The following IL1RAPL2 variants were observed in gnomAD, a reference collection of about 807,000 sequenced individuals.
IL1RAPL2 encodes the protein X-linked interleukin-1 receptor accessory protein-like 2.
IL1RAPL2 carries 3 observed loss-of-function variants against 44.1 expected under a neutral mutation model. That is an observed-to-expected ratio of 0.07 (90% confidence interval 0.03 to 0.18). IL1RAPL2 has a LOEUF of 0.18. IL1RAPL2 is among the 10% of genes least tolerant of loss of function. The pLI, the probability that IL1RAPL2 is intolerant of heterozygous loss-of-function variation, is 1.00. For synonymous variants in IL1RAPL2, 181 were observed against 178.8 expected (o/e 1.01, Z -0.10); for missense variants, 391 against 496.4 (o/e 0.79, Z 2.02).
At chrX:104,871,533 A>G (rs998242874) in intron 2 of IL1RAPL2, among the ~76,000 whole-genome samples, 2 of 111,463 alleles carry the variant, frequency 1.8e-5, no homozygotes, top group Non-Finnish European at 3.8e-5. Flanking sequence ...TGGGTTCTGA[A>G]TTACCTTTCC....
chrX:105,274,315 G>A (rs762107257), intron 5 of IL1RAPL2, among the ~76,000 whole-genome samples: 4 of 111,972 alleles, frequency 3.6e-5, no homozygotes, highest in African/African-American at 6.5e-5. Flanking sequence ...GGAAAAGTGA[G>A]GCTCCAGAAA....
At chrX:105,045,462 G>T (rs1316322306) in intron 2 of IL1RAPL2, among the ~76,000 whole-genome samples, 1 of 112,172 alleles carries the variant, frequency 8.9e-6, no homozygotes, top group African/African-American at 3.2e-5. Flanking sequence ...TGTTTACTTT[G>T]GGAGAAAATA....
In IL1RAPL2 at chrX:104,720,034, T is replaced by A. The variant is rs570405748; in HGVS notation, c.82+61039T>A. Among the ~76,000 whole-genome samples, 4 of 111,731 alleles carry A rather than the reference T, an allele frequency of 3.6e-5. No homozygotes were observed. In the South Asian group the frequency reaches 1.1e-3, roughly 31 times the overall value. On this transcript the variant is annotated intron_variant, in intron 2 of 10. Coordinates refer to ENST00000372582, the MANE Select transcript of IL1RAPL2 (RefSeq NM_017416.2). ...TGTTGTTAGGGGAATGAACAGCTAA[T>A]GGTAAGCTGATATCCAGAGTATCCT...
At chrX:105,182,501 T>C (rs2033542167) in intron 2 of IL1RAPL2, among the ~76,000 whole-genome samples, 1 of 112,067 alleles carries the variant, frequency 8.9e-6, no homozygotes, top group South Asian at 3.7e-4. Context: ...TTTCCATCCT[T>C]TTACTTTGTC....
chrX:105,146,602 T>A (rs1335152240), intron 2 of IL1RAPL2, among the ~76,000 whole-genome samples: 1 of 111,811 alleles, frequency 8.9e-6, no homozygotes, highest in African/African-American at 3.3e-5. Context: ...CCATTTAAAG[T>A]GTACACTTCA....
chrX:104,771,313 C>A (rs1932638542), intron 2 of IL1RAPL2, among the ~76,000 whole-genome samples: 1 of 112,233 alleles, frequency 8.9e-6, no homozygotes, highest in Admixed American at 9.4e-5. Flanking sequence ...TAGGGGGTGG[C>A]CCCAGTGTTA....
At chrX:105,366,099 C>T (rs1454967704) in intron 5 of IL1RAPL2, among the ~76,000 whole-genome samples, 3 of 111,017 alleles carry the variant, frequency 2.7e-5, no homozygotes, top group East Asian at 5.7e-4. Context: ...AGGCGCCTGC[C>T]ATCACGCCTG....
intron 2 of IL1RAPL2, among the ~76,000 whole-genome samples, chrX:104,967,602 G>T (rs746314550): frequency 5.4e-5 from 6 of 110,927 alleles, no homozygotes; most frequent in Admixed American, 3.8e-4. Flanking sequence ...AAAGCTAAAG[G>T]TTCGTTCTCT....
intron 2 of IL1RAPL2, among the ~76,000 whole-genome samples, chrX:105,070,712 A>T (rs7883033): frequency 0.062 from 6,555 of 106,101 alleles, 500 homozygotes; most frequent in African/African-American, 0.21. Context: ...AAAATAAAAA[A>T]ATATATATAT....
intron 2 of IL1RAPL2, among the ~76,000 whole-genome samples, chrX:104,805,440 G>A (rs1485128906): frequency 8.9e-6 from 1 of 111,850 alleles, no homozygotes; most frequent in Non-Finnish European, 1.9e-5. Context: ...TTATCTTTCT[G>A]TCCCAAGAAC....
At chrX:105,070,643 G>A (rs2032194085) in intron 2 of IL1RAPL2, among the ~76,000 whole-genome samples, 1 of 110,021 alleles carries the variant, frequency 9.1e-6, no homozygotes, top group Non-Finnish European at 1.9e-5. Context: ...GCAATGAGCC[G>A]AGATTGTGCC....
At chrX:104,878,521 G>C (rs1336436939) in intron 2 of IL1RAPL2, among the ~76,000 whole-genome samples, 1 of 111,968 alleles carries the variant, frequency 8.9e-6, no homozygotes, top group East Asian at 2.8e-4. Context: ...GCTTTGCTGT[G>C]ATTTCCACAA....
At chrX:105,317,302 A>G (rs1032595173) in intron 5 of IL1RAPL2, among the ~76,000 whole-genome samples, 1 of 112,047 alleles carries the variant, frequency 8.9e-6, no homozygotes, top group Non-Finnish European at 1.9e-5. Context: ...CTGGTTTTTG[A>G]TGAGGTTTGC....
At chrX:105,746,674 A>G (rs757845705) in intron 8 of IL1RAPL2, among the ~76,000 whole-genome samples, 1 of 112,014 alleles carries the variant, frequency 8.9e-6, no homozygotes, top group Non-Finnish European at 1.9e-5. Context: ...GTTTTCTTCC[A>G]TAAATTTACT....
intron 2 of IL1RAPL2, among the ~76,000 whole-genome samples, chrX:104,801,071 T>C (rs1177403640): frequency 8.9e-6 from 1 of 112,901 alleles, no homozygotes; most frequent in Non-Finnish European, 1.9e-5. Context: ...GCGAATTCAT[T>C]AGGATAGCAG....
intron 2 of IL1RAPL2, among the ~76,000 whole-genome samples, chrX:104,681,697 G>C (rs1372151779): frequency 8.9e-6 from 1 of 112,515 alleles, no homozygotes; most frequent in Non-Finnish European, 1.9e-5. Context: ...TAAGGCAAAG[G>C]CTTCAGCCAG....
At chrX:104,890,145 T>C (rs986311685) in intron 2 of IL1RAPL2, among the ~76,000 whole-genome samples, 1 of 112,177 alleles carries the variant, frequency 8.9e-6, no homozygotes, top group Non-Finnish European at 1.9e-5. Flanking sequence ...TTTTTATGGC[T>C]GCATAGTATA....
At chrX:105,516,736 C>A (rs1191711010) in intron 6 of IL1RAPL2, among the ~76,000 whole-genome samples, 1 of 111,935 alleles carries the variant, frequency 8.9e-6, no homozygotes, top group Non-Finnish European at 1.9e-5. Flanking sequence ...GTCACTAAAA[C>A]ACTTTTTATC....
intron 2 of IL1RAPL2, among the ~76,000 whole-genome samples, chrX:105,187,643 TACC>T (rs1173382865): frequency 9.0e-6 from 1 of 111,686 alleles, no homozygotes; most frequent in Non-Finnish European, 1.9e-5. Context: ...GAAAGACAAA[TACC>T]GCATGATCTT....
Sources: gnomAD v4.1 joint callset for allele counts (sites outside exome capture counted in the v4.1 genomes callset) on GRCh38, gnomAD v4.1.1 for gene constraint, MANE v1.5 for transcripts, NCBI Gene and HGNC (gene_info 2026-07-23, HGNC 2026-07-21) for gene names.